MYO16: variants seen among roughly 807,000 people sequenced by gnomAD.
The protein encoded by MYO16 is myosin XVI, also known as unconventional myosin-XVI.
MYO16 carries 94 observed loss-of-function variants against 205.3 expected under a neutral mutation model. The observed-to-expected ratio is 0.46, with a 90% CI of 0.39 to 0.54. The LOEUF (loss-of-function observed/expected upper bound fraction) is 0.54. Ranked by LOEUF, MYO16 falls within the 20% of genes least tolerant of loss-of-function variation. The pLI is 0.00. For synonymous variants in MYO16, 988 were observed against 954.0 expected (o/e 1.04, Z -0.66); for missense variants, 2,315 against 2,387.5 (o/e 0.97, Z 0.63).
At chr13:108,869,686 G>T (rs1478563938) in intron 12 of MYO16, among the ~76,000 whole-genome samples, 1 of 136,072 alleles carries the variant, frequency 7.3e-6, no homozygotes, top group Non-Finnish European at 1.5e-5. Flanking sequence ...AGCCGAGATC[G>T]TGCCACTGCA....
chr13:109,127,546 C>T lies in MYO16; in HGVS notation c.4047C>T (p.Asn1349=), dbSNP rs1476101713. The T allele has an allele frequency of 5.0e-6, 8 of 1,609,410 alleles. No homozygotes were observed. Among genetic ancestry groups the T allele is most frequent in the Middle Eastern group, 1.7e-4 (1 of 6,056 alleles). The part of the protein sequence containing the change: ...ACLSAAREAA[N]EALARPRPHS... Reference sequence around the variant, plus strand: ...TCTCCGCGGCCAGGGAAGCGGCCAACGAAGGTCAGCCCTGGGGAGGGACCC... The same window carrying T: ...TCTCCGCGGCCAGGGAAGCGGCCAATGAAGGTCAGCCCTGGGGAGGGACCC... Residue 1349 remains asparagine (N), a synonymous_variant, in exon 31 of 35, where the codon AAC becomes AAT. Transcript: ENST00000457511. This position sits in a 1 kb window ranked among gnomAD's most constrained non-coding sequence, Gnocchi z 4.2.
At position 109,030,239 on chromosome 13, in the gene MYO16, A is replaced by T. The variant is rs995221911; in HGVS notation, c.2796+10328A>T. Among the ~76,000 whole-genome samples the T allele has an allele frequency of 2.6e-5, 4 of 152,292 alleles. No individual in the cohort carries two copies. The East Asian group carries it at 7.7e-4, about 29-fold the overall frequency. ...AGAATAGAAGCTCTTGCTTATAAAT[A>T]TTGATGATATACAGACATCAGTTTA... On this transcript the variant is annotated intron_variant, in intron 23 of 34. Transcript: ENST00000457511.
chr13:108,576,741 G>T, the MYO16 span, among the ~76,000 whole-genome samples: 2 of 151,974 alleles, frequency 1.3e-5, no homozygotes. Flanking sequence ...AGTGAACTTT[G>T]CAGTGTTTTT....
the MYO16 span, among the ~76,000 whole-genome samples, chr13:108,571,003 G>A: frequency 5.9e-5 from 9 of 152,090 alleles, no homozygotes; most frequent in African/African-American, 2.2e-4. Flanking sequence ...AAGACTCACA[G>A]GTTATTATAA....
chr13:108,626,270 A>G (rs1879731312), upstream of MYO16, among the ~76,000 whole-genome samples: 1 of 152,220 alleles, frequency 6.6e-6, no homozygotes, highest in South Asian at 2.1e-4. Context: ...AGTTTGAAAT[A>G]TTATGCATTC....
At chr13:109,114,221 G>T (rs1183219293) in intron 28 of MYO16, among the ~76,000 whole-genome samples, 2 of 152,052 alleles carry the variant, frequency 1.3e-5, no homozygotes, top group Admixed American at 1.3e-4. Flanking sequence ...TGAAAATGTG[G>T]TCCACAGACC....
intron 34 of MYO16, among the ~76,000 whole-genome samples, chr13:109,190,249 C>T (rs988517581): frequency 6.6e-6 from 1 of 152,006 alleles, no homozygotes; most frequent in Non-Finnish European, 1.5e-5. Context: ...GCTACCTGGA[C>T]TTTGTTTTTG....
intron 4 of MYO16, among the ~76,000 whole-genome samples, chr13:108,760,555 AT>A (rs139654436): frequency 0.028 from 4,174 of 151,636 alleles, 180 homozygotes; most frequent in African/African-American, 0.096. Flanking sequence ...AATATTCTTT[AT>A]TTATGTGTTC....
chr13:108,597,233 G>A (rs1878595750), intron 1 of MYO16, among the ~76,000 whole-genome samples: 1 of 152,078 alleles, frequency 6.6e-6, no homozygotes, highest in South Asian at 2.1e-4. Context: ...TATATTTATA[G>A]CAAAGTGATA....
chr13:108,626,969 T>TTA, upstream of MYO16, among the ~76,000 whole-genome samples: 1 of 145,682 alleles, frequency 6.9e-6, no homozygotes, highest in East Asian at 2.0e-4. Context: ...AATATATATA[T>TTA]TATATATTAT....
intron 34 of MYO16, among the ~76,000 whole-genome samples, chr13:109,189,049 G>A (rs767341990): frequency 1.3e-5 from 2 of 151,784 alleles, no homozygotes; most frequent in African/African-American, 4.8e-5. Context: ...AGCAGAGACA[G>A]TGTAATTGTA....
intron 19 of MYO16, among the ~76,000 whole-genome samples, chr13:108,963,579 T>C (rs1179193916): frequency 2.0e-5 from 3 of 152,130 alleles, no homozygotes; most frequent in African/African-American, 4.8e-5. Context: ...CCACACTACT[T>C]CTGAAATAAT....
chr13:108,570,973 A>C, the MYO16 span, among the ~76,000 whole-genome samples: 1 of 152,200 alleles, frequency 6.6e-6, no homozygotes, highest in African/African-American at 2.4e-5. Context: ...TATCAAAAAC[A>C]TCTTAAGAAA....
At chr13:109,132,991 C>T (rs1452972283) in intron 31 of MYO16, among the ~76,000 whole-genome samples, 1 of 152,120 alleles carries the variant, frequency 6.6e-6, no homozygotes, top group African/African-American at 2.4e-5. Context: ...TCAGGAAGGG[C>T]ATGCCAACAG....
At chr13:108,914,448 A>G (rs1431858540) in intron 16 of MYO16, among the ~76,000 whole-genome samples, 1 of 152,108 alleles carries the variant, frequency 6.6e-6, no homozygotes, top group African/African-American at 2.4e-5. Flanking sequence ...GATGAAGTAC[A>G]CTAAGTCCTA....
In MYO16 at chr13:108,638,981, T is replaced by A. The variant is rs1880382110; in HGVS notation, c.28+9109T>A. Among the ~76,000 whole-genome samples, 3 of 152,138 alleles carry A rather than the reference T, an allele frequency of 2.0e-5. No homozygotes were observed. The South Asian group carries it at 6.2e-4, about 32-fold the overall frequency. ...AAGGCCTGCACAAAGCACCATGTTG[T>A]GACTGCGTAGTGCGTTCAAAGCAAA... is the stretch of plus-strand genomic sequence containing the variant. On this transcript the variant is annotated intron_variant, in intron 1 of 34. Transcript: ENST00000457511.
At chr13:108,731,537 GA>G (rs1267984284) in intron 4 of MYO16, among the ~76,000 whole-genome samples, 3 of 152,008 alleles carry the variant, frequency 2.0e-5, no homozygotes, top group Non-Finnish European at 4.4e-5. Context: ...AATTGAGGGG[GA>G]AAAAAACTAG....
At chr13:108,666,395 T>A (rs543134405) in intron 2 of MYO16, among the ~76,000 whole-genome samples, 3 of 151,792 alleles carry the variant, frequency 2.0e-5, no homozygotes, top group African/African-American at 4.9e-5. Flanking sequence ...TTTTTTTTTT[T>A]AAAGAATTAG....
rs187322238 is a variant in MYO16 at position 109,124,769 on chromosome 13, C to T, written c.3536-343C>T. On this transcript the variant is annotated intron_variant, in intron 29 of 34. Coordinates refer to ENST00000457511, the MANE Select transcript of MYO16 (RefSeq NM_001198950.3). ...TAATGTGATGTAATGAAAGATGATC[C>T]GCACATCCCAAAATGCTGCAGTTGG... 2.0e-3 allele frequency among the ~76,000 whole-genome samples: 312 copies of T among 152,212 alleles called. 2 individuals carry two copies. Among genetic ancestry groups the T allele is most frequent in the African/African-American group, 7.1e-3 (293 of 41,518 alleles).
Sources: gnomAD v4.1 joint callset for allele counts (sites outside exome capture counted in the v4.1 genomes callset) on GRCh38, gnomAD v4.1.1 for gene constraint, Gnocchi (gnomAD v3.1) non-coding constraint, MANE v1.5 for transcripts, NCBI Gene and HGNC (gene_info 2026-07-23, HGNC 2026-07-21) for gene names.